The following VWA3A variants were observed in gnomAD, a reference collection of about 807,000 sequenced individuals.
VWA3A encodes the protein von Willebrand factor A domain-containing protein 3A.
In VWA3A, 134 loss-of-function variants were observed where a neutral mutation model predicts 160.4. The observed-to-expected ratio is 0.84, with a 90% CI of 0.73 to 0.96. The LOEUF (loss-of-function observed/expected upper bound fraction) is 0.96. Among genes scored for constraint, VWA3A ranks in the 40% least tolerant of loss-of-function variants. The pLI is 0.00. For missense variants in VWA3A, 1,310 were observed against 1,447.9 expected (o/e 0.90, Z 1.55); for synonymous variants, 476 against 543.4 (o/e 0.88, Z 1.72).
intron 31 of VWA3A, among the ~76,000 whole-genome samples, chr16:22,154,587 C>T (rs550322607): frequency 6.6e-6 from 1 of 151,986 alleles, no homozygotes; most frequent in South Asian, 2.1e-4. Flanking sequence ...CCTCAGCCAC[C>T]CAAAGCGCTG....
At chr16:22,152,655 G>A in intron 31 of VWA3A, 21 bp downstream of exon 31, 1 of 1,591,788 alleles carries the variant, frequency 6.3e-7, no homozygotes, top group Non-Finnish European at 8.6e-7. Flanking sequence ...GAGCCACTGA[G>A]CATGAGGTCT....
Position 22,149,797 on chromosome 16 carries a change from C to T in VWA3A, c.2995C>T (p.Leu999Phe). 6.2e-7 allele frequency: 1 copy of T among 1,601,144 alleles called. No homozygotes were observed. Among genetic ancestry groups the T allele is most frequent in the Non-Finnish European group, 8.5e-7 (1 of 1,170,812 alleles). ...LRKCCDSFNL[L>F]SFAESFQSWQ... ...TTTCCTCCTCCCCAGTTTTAACCTG[C>T]TCAGCTTTGCAGAGAGCTTTCAGTC... Residue 999 changes from leucine (L) to phenylalanine (F), a missense_variant, in exon 29 of 34, where the codon CTC becomes TTC. Transcript: ENST00000389398.
intron 17 of VWA3A, among the ~76,000 whole-genome samples, chr16:22,129,398 A>AGAAAGAAAGAAAGAAAGAAAGAAAG (rs1274399954): frequency 1.5e-4 from 15 of 101,622 alleles, no homozygotes; most frequent in African/African-American, 1.0e-3. Flanking sequence ...CAAAAAAAAA[A>AGAAAGAAAGAAAGAAAGAAAGAAAG]AAAAAAAGAA....
intron 6 of VWA3A, among the ~76,000 whole-genome samples, chr16:22,104,616 G>C (rs2045454955): frequency 6.6e-6 from 1 of 152,096 alleles, no homozygotes; most frequent in Non-Finnish European, 1.5e-5. Context: ...GAGCCTCAAG[G>C]CTGCAGTGAG....
chr16:22,126,075 A>G, intron 16 of VWA3A, 103 bp from the exon 17 acceptor site: 1 of 1,517,890 alleles, frequency 6.6e-7, no homozygotes, highest in Non-Finnish European at 8.9e-7. Flanking sequence ...TGAATTTGGC[A>G]TGCAAAATTC....
Position 22,118,711 on chromosome 16 carries a change from A to G in VWA3A, c.991-191A>G, listed in dbSNP as rs865865239. Among the ~76,000 whole-genome samples, 26 of 152,182 alleles carry G rather than the reference A, an allele frequency of 1.7e-4. 1 individual carries two copies. Among genetic ancestry groups the G allele is most frequent in the Admixed American group, 1.2e-3 (18 of 15,280 alleles). ...AACAAACAAACAAACAAAACACAACAGGCCAATTGCACAAACGGAGCACAG... is the reference window on the plus strand; with the variant it reads ...AACAAACAAACAAACAAAACACAACGGGCCAATTGCACAAACGGAGCACAG... On this transcript the variant is annotated intron_variant, in intron 11 of 33. Coordinates refer to ENST00000389398, the MANE Select transcript of VWA3A (RefSeq NM_173615.5).
chr16:22,096,105 T>TAA (rs2045317183), intron 1 of VWA3A, among the ~76,000 whole-genome samples: 1 of 152,118 alleles, frequency 6.6e-6, no homozygotes, highest in African/African-American at 2.4e-5. Context: ...ATGCTACTGA[T>TAA]ATCTAATAGG....
At chr16:22,115,235 C>G in intron 8 of VWA3A, 112 bp from the exon 9 acceptor site, 3 of 1,234,542 alleles carry the variant, frequency 2.4e-6, no homozygotes, top group East Asian at 2.8e-5. Context: ...ATGATTGCAC[C>G]ACTGCACTTC....
At chr16:22,148,342 G>A in intron 28 of VWA3A, 36 bp downstream of exon 28, 2 of 1,563,780 alleles carry the variant, frequency 1.3e-6, no homozygotes, top group Non-Finnish European at 1.7e-6. Context: ...GATCAAAGGG[G>A]CAGTTCCTGG....
At chr16:22,148,343 C>G in intron 28 of VWA3A, 37 bp downstream of exon 28, 1 of 1,563,172 alleles carries the variant, frequency 6.4e-7, no homozygotes, top group East Asian at 2.4e-5. Flanking sequence ...ATCAAAGGGG[C>G]AGTTCCTGGG....
Position 22,123,723 on chromosome 16 carries a change from A to G in VWA3A, c.1532+16A>G. The G allele has an allele frequency of 6.2e-7, 1 of 1,610,224 alleles. No homozygotes were observed. Among genetic ancestry groups the G allele is most frequent in the Non-Finnish European group, 8.5e-7 (1 of 1,177,686 alleles). On this transcript the variant is annotated intron_variant, in intron 16 of 33. Transcript: ENST00000389398. ...GTGAAAAAAGGTACCTTTCTTAAGC[A>G]GGGTTCTTATCCTTCATGGGTCTGG...
At chr16:22,104,366 G>T (rs995542480) in intron 6 of VWA3A, among the ~76,000 whole-genome samples, 1 of 152,162 alleles carries the variant, frequency 6.6e-6, no homozygotes, top group Admixed American at 6.6e-5. Context: ...GTGCAAGCCT[G>T]CAATCCCAGC....
chr16:22,129,897 G>A (rs1049498844), intron 17 of VWA3A, among the ~76,000 whole-genome samples: 1 of 152,110 alleles, frequency 6.6e-6, no homozygotes, highest in Admixed American at 6.6e-5. Flanking sequence ...CTCTAAAGGA[G>A]TACCTGAAGG....
chr16:22,138,060 G>A (rs1207316272), intron 21 of VWA3A, among the ~76,000 whole-genome samples: 2 of 152,114 alleles, frequency 1.3e-5, no homozygotes, highest in Non-Finnish European at 2.9e-5. Flanking sequence ...CTGTAAAATG[G>A]GGAGACGACA....
chr16:22,098,337 C>T (rs1448654458), intron 3 of VWA3A, among the ~76,000 whole-genome samples: 1 of 152,186 alleles, frequency 6.6e-6, no homozygotes, highest in Non-Finnish European at 1.5e-5. Flanking sequence ...GAAAAATACT[C>T]ATGATTTACT....
rs1291001075 is a variant in VWA3A, at chr16:22,156,201, T to A, written c.*184T>A. On this transcript the variant is annotated 3_prime_UTR_variant, in exon 34 of 34. Transcript: ENST00000389398. ...GTGAGGGGCCATTCCCGGGTCTTAA[T>A]CTAACTCTCCAGCCCTGTCCCGCAG... 1 of 444,652 alleles carries A rather than the reference T, an allele frequency of 2.2e-6. No homozygotes were observed. Among genetic ancestry groups the A allele is most frequent in the Non-Finnish European group, 4.1e-6 (1 of 245,810 alleles). 27.5% of individuals were successfully genotyped at this position (444,652 alleles called of 1,614,324 possible). A position where few individuals can be genotyped will look rare whatever the true frequency, so the allele number is the denominator to read the frequency against.
chr16:22,136,349 T>C (rs192110992), intron 21 of VWA3A, among the ~76,000 whole-genome samples: 8 of 152,022 alleles, frequency 5.3e-5, no homozygotes, highest in Non-Finnish European at 8.8e-5. Flanking sequence ...GAAGAGCCCA[T>C]GGAAGGACGG....
At chr16:22,092,739 C>A in intron 1 of VWA3A, 88 bp downstream of exon 1, 1 of 1,512,262 alleles carries the variant, frequency 6.6e-7, no homozygotes, top group Non-Finnish European at 9.0e-7. Context: ...GTGAGAAGAT[C>A]GAGGGAGCTT....
intron 20 of VWA3A, among the ~76,000 whole-genome samples, 154 bp from the exon 21 acceptor site, chr16:22,134,214 C>G (rs2046001352): frequency 6.6e-6 from 1 of 152,126 alleles, no homozygotes; most frequent in Admixed American, 6.6e-5. Flanking sequence ...GCAATCCTCC[C>G]TCCTCAGCCT....
Sources: gnomAD v4.1 joint callset for allele counts (sites outside exome capture counted in the v4.1 genomes callset) on GRCh38, gnomAD v4.1.1 for gene constraint, MANE v1.5 for transcripts, NCBI Gene and HGNC (gene_info 2026-07-23, HGNC 2026-07-21) for gene names.